The following ATP10B variants were observed in gnomAD, a reference collection of about 807,000 sequenced individuals.
The protein encoded by ATP10B is ATPase phospholipid transporting 10B (putative).
In ATP10B, 122 loss-of-function variants were observed where a neutral mutation model predicts 141.2. The observed-to-expected ratio is 0.86, with a 90% CI of 0.75 to 1.00. The LOEUF is 1.00. Ranked by LOEUF, ATP10B falls within the 50% of genes least tolerant of loss-of-function variation. The pLI is 0.00. For synonymous variants in ATP10B, 685 were observed against 692.0 expected, an observed-to-expected ratio of 0.99 and a Z score of 0.16; for missense variants, 1,876 against 1,825.3, an observed-to-expected ratio of 1.03 and a Z score of -0.51.
chr5:160,585,651 T>C (rs1755835606), intron 24 of ATP10B, among the ~76,000 whole-genome samples: 1 of 152,114 alleles, frequency 6.6e-6, no homozygotes, highest in Non-Finnish European at 1.5e-5. Context: ...AGCTTGCCAT[T>C]GTTATCTTTT....
rs189664612 is a variant in ATP10B at position 160,754,839 on chromosome 5, G to C, written c.-331+30720C>G. ...ACACAGATGCCACAGCCCTTCAAATGGGAAAAAGGCAGCCAAAGATCACCA... is the reference window on the plus strand; with the variant it reads ...ACACAGATGCCACAGCCCTTCAAATCGGAAAAAGGCAGCCAAAGATCACCA... On this transcript the variant is annotated intron_variant, in intron 2 of 25. Transcript: ENST00000327245. 2.6e-5 allele frequency among the ~76,000 whole-genome samples: 4 copies of C among 152,162 alleles called. No homozygotes were observed. In the East Asian group the frequency reaches 5.8e-4, roughly 22 times the overall value.
Position 160,565,612 on chromosome 5 carries a change from C to G in ATP10B, c.4227G>C (p.Arg1409Ser), listed in dbSNP as rs761101536. Residue 1409 changes from arginine (R) to serine (S), a missense_variant, in exon 26 of 26, where the codon AGG becomes AGC. Coordinates refer to ENST00000327245, the MANE Select transcript of ATP10B (RefSeq NM_025153.3). The part of the protein sequence containing the change: ...HEQRCGTECM[R>S]DDSCSGDSSA... The stretch of plus-strand genomic sequence containing the variant: ...AGGAGTCCCCTGAGCATGAGTCATC[C>G]CTCATGCACTCCGTGCCACATCTCT... 6.2e-7 allele frequency: 1 copy of G among 1,613,988 alleles called. No individual in the cohort carries two copies. Among genetic ancestry groups the G allele is most frequent in the African/African-American group, 1.3e-5 (1 of 74,922 alleles).
the ATP10B span, among the ~76,000 whole-genome samples, chr5:160,896,264 A>G: frequency 6.6e-6 from 1 of 152,212 alleles, no homozygotes; most frequent in African/African-American, 2.4e-5. Context: ...CAATGAATCC[A>G]GGAACTTGTT....
At chr5:160,871,157 C>A in the ATP10B span, among the ~76,000 whole-genome samples, 2 of 151,910 alleles carry the variant, frequency 1.3e-5, no homozygotes, top group Admixed American at 6.6e-5. Context: ...AAAAGTGAAA[C>A]TAAAACTTTT....
intron 2 of ATP10B, among the ~76,000 whole-genome samples, chr5:160,733,719 T>C (rs1482777194): frequency 1.3e-5 from 2 of 151,122 alleles, no homozygotes; most frequent in South Asian, 2.1e-4. Context: ...GTAACAGTGA[T>C]TTGAATAAGG....
chr5:160,870,818 A>G, the ATP10B span, among the ~76,000 whole-genome samples: 1 of 152,152 alleles, frequency 6.6e-6, no homozygotes, highest in African/African-American at 2.4e-5. Context: ...AAAGACAAAG[A>G]ATTCTGAAAG....
chr5:160,744,305 C>A (rs1224264883), intron 2 of ATP10B, among the ~76,000 whole-genome samples: 1 of 152,150 alleles, frequency 6.6e-6, no homozygotes, highest in Non-Finnish European at 1.5e-5. Flanking sequence ...TCCATACTTC[C>A]TTAAGCCGAC....
At chr5:160,656,533 C>T (rs895884438) in intron 7 of ATP10B, among the ~76,000 whole-genome samples, 1 of 152,170 alleles carries the variant, frequency 6.6e-6, no homozygotes, top group Non-Finnish European at 1.5e-5. Context: ...ATAAGTCTCA[C>T]ACATGCATGT....
intron 2 of ATP10B, among the ~76,000 whole-genome samples, chr5:160,732,699 G>T (rs1468631994): frequency 6.6e-6 from 1 of 152,106 alleles, no homozygotes; most frequent in African/African-American, 2.4e-5. Context: ...AGTTACTATA[G>T]CTTTGTAGTA....
the ATP10B span, among the ~76,000 whole-genome samples, chr5:160,863,144 T>G: frequency 6.6e-6 from 1 of 151,950 alleles, no homozygotes; most frequent in Non-Finnish European, 1.5e-5. Flanking sequence ...CTACTTCCAT[T>G]ATGGGATGGA....
At chr5:160,928,303 C>T in the ATP10B span, among the ~76,000 whole-genome samples, 67 of 152,296 alleles carry the variant, frequency 4.4e-4, no homozygotes, top group African/African-American at 1.4e-3. Context: ...TAACAGTCTC[C>T]AACCCCACAA....
intron 21 of ATP10B, among the ~76,000 whole-genome samples, chr5:160,600,319 T>C (rs1757031991): frequency 6.6e-6 from 1 of 152,200 alleles, no homozygotes; most frequent in African/African-American, 2.4e-5. Flanking sequence ...GCATCTGAAT[T>C]TTCAAAGTTC....
chr5:160,915,181 A>G, the ATP10B span, among the ~76,000 whole-genome samples: 1 of 152,196 alleles, frequency 6.6e-6, no homozygotes, highest in Non-Finnish European at 1.5e-5. Context: ...TTTCAAAAAT[A>G]TGATGAAATA....
chr5:160,633,747 G>GT (rs975003886), intron 12 of ATP10B: 1 of 161,450 alleles, frequency 6.2e-6, no homozygotes, highest in African/African-American at 2.5e-5. Context: ...TGTGTGTGTT[G>GT]TGGGGGGGTG....
chr5:160,799,805 C>A (rs184543170), intron 1 of ATP10B, among the ~76,000 whole-genome samples: 1 of 152,092 alleles, frequency 6.6e-6, no homozygotes, highest in Non-Finnish European at 1.5e-5. Context: ...GAGTTCTCAG[C>A]GTATTAGAGT....
chr5:160,929,284 T>C, the ATP10B span, among the ~76,000 whole-genome samples: 1 of 152,268 alleles, frequency 6.6e-6, no homozygotes, highest in East Asian at 1.9e-4. Flanking sequence ...TTGGGTGTTT[T>C]TTTTCTGGTG....
upstream of ATP10B, among the ~76,000 whole-genome samples, chr5:160,854,567 T>C (rs1030360886): frequency 2.0e-5 from 3 of 152,196 alleles, no homozygotes; most frequent in African/African-American, 7.2e-5. Context: ...TTATCCAGTC[T>C]ATCATTGATG....
chr5:160,872,962 G>C, the ATP10B span, among the ~76,000 whole-genome samples: 1 of 152,074 alleles, frequency 6.6e-6, no homozygotes, highest in African/African-American at 2.4e-5. Context: ...ATTGCTTTTG[G>C]TGGTATGTTC....
In ATP10B at chr5:160,569,880, C is replaced by T. The variant is rs369452422; in HGVS notation, c.3751-197G>A. Among the ~76,000 whole-genome samples the T allele has an allele frequency of 1.6e-4, 25 of 152,224 alleles. 2 individuals are homozygous for T. Among genetic ancestry groups the T allele is most frequent in the Admixed American group, 9.8e-4 (15 of 15,284 alleles). On this transcript the variant is annotated intron_variant, in intron 24 of 25. Coordinates refer to ENST00000327245, the MANE Select transcript of ATP10B (RefSeq NM_025153.3). Reference sequence around the variant, plus strand: ...CCATGTAGAATTGAACACACATACCCCAGAAGACCCTATTCTGTCTCACCC... The same window carrying T: ...CCATGTAGAATTGAACACACATACCTCAGAAGACCCTATTCTGTCTCACCC...
Sources: allele counts gnomAD v4.1 joint callset (sites outside exome capture counted in the v4.1 genomes callset), GRCh38; gene constraint gnomAD v4.1.1; transcripts MANE v1.5; gene names NCBI Gene and HGNC (gene_info 2026-07-23, HGNC 2026-07-21).